The following APBA2 variants were observed in gnomAD, a reference collection of about 807,000 sequenced individuals.
The protein encoded by APBA2 is amyloid-beta A4 precursor protein-binding family A member 2.
Under a neutral mutation model 75.0 loss-of-function variants are expected in APBA2, and 30 were observed. That is an observed-to-expected ratio of 0.40 (90% CI 0.30 to 0.54). APBA2 has a LOEUF of 0.54. Ranked by LOEUF, APBA2 falls within the 20% of genes least tolerant of loss-of-function variation. APBA2 has a pLI of 0.49. For missense variants in APBA2, 801 were observed against 1,016.1 expected (o/e 0.79, Z 2.88); for synonymous variants, 444 against 409.6 (o/e 1.08, Z -1.01).
At chr15:28,989,120 A>G (rs1016839960) in intron 2 of APBA2, among the ~76,000 whole-genome samples, 2 of 152,286 alleles carry the variant, frequency 1.3e-5, no homozygotes, top group African/African-American at 2.4e-5. Context: ...ATGACTGGCC[A>G]TATCTTTTGC....
chr15:28,913,996 C>T (rs544733396), intron 1 of APBA2, among the ~76,000 whole-genome samples: 9 of 152,320 alleles, frequency 5.9e-5, no homozygotes, highest in African/African-American at 2.2e-4. Context: ...ATAATTATGC[C>T]AACTGCAGGC....
chr15:29,088,607 C>T (rs2043403465), intron 6 of APBA2, among the ~76,000 whole-genome samples: 1 of 152,212 alleles, frequency 6.6e-6, no homozygotes, highest in Non-Finnish European at 1.5e-5. Context: ...TCACCCTGTC[C>T]GTACCATCAT....
chr15:28,966,295 G>A (rs190493161), intron 2 of APBA2, among the ~76,000 whole-genome samples: 69 of 152,220 alleles, frequency 4.5e-4, no homozygotes, highest in African/African-American at 1.5e-3. Context: ...AGTGGGTACT[G>A]ACATCCCCAA....
chr15:29,065,567 C>CCT (rs2152910743), intron 4 of APBA2, among the ~76,000 whole-genome samples: 1 of 152,270 alleles, frequency 6.6e-6, no homozygotes, highest in Non-Finnish European at 1.5e-5. Flanking sequence ...ACAACTCAGA[C>CCT]ATGTGGAGAA....
intron 4 of APBA2, among the ~76,000 whole-genome samples, chr15:29,067,644 T>C (rs1052331570): frequency 2.6e-5 from 4 of 152,204 alleles, no homozygotes; most frequent in African/African-American, 9.7e-5. Flanking sequence ...TATCGTTAAA[T>C]CCACCATCAA....
chr15:28,894,624 G>C (rs576588396), intron 1 of APBA2, among the ~76,000 whole-genome samples: 51 of 152,348 alleles, frequency 3.3e-4, no homozygotes, highest in African/African-American at 1.2e-3. Context: ...GGAGATGGGG[G>C]TTGGAGGGCA....
At chr15:28,923,876 C>T (rs777858093) in intron 2 of APBA2, among the ~76,000 whole-genome samples, 1 of 152,060 alleles carries the variant, frequency 6.6e-6, no homozygotes, top group Non-Finnish European at 1.5e-5. Context: ...GCCTCCACCG[C>T]CCCCCCGGGG....
chr15:29,115,164 A>ACAG (rs1366974245), intron 14 of APBA2, among the ~76,000 whole-genome samples: 1 of 148,956 alleles, frequency 6.7e-6, no homozygotes, highest in Admixed American at 6.7e-5. Flanking sequence ...GGGTCTGGGG[A>ACAG]CAGCAGCAGC....
At chr15:28,976,152 A>C (rs2037325206) in intron 2 of APBA2, among the ~76,000 whole-genome samples, 2 of 152,222 alleles carry the variant, frequency 1.3e-5, no homozygotes, top group Admixed American at 1.3e-4. Context: ...CTACTGTCCC[A>C]GTGGCAGCCC....
At chr15:29,005,212 G>A (rs2039050699) in intron 3 of APBA2, among the ~76,000 whole-genome samples, 1 of 152,172 alleles carries the variant, frequency 6.6e-6, no homozygotes, top group South Asian at 2.1e-4. Context: ...CAGACTGCTT[G>A]ATCTCTCTAA....
chr15:29,091,820 A>G (rs964619873), intron 6 of APBA2, among the ~76,000 whole-genome samples: 14 of 152,144 alleles, frequency 9.2e-5, no homozygotes, highest in African/African-American at 2.9e-4. Flanking sequence ...GGAAGAGGTC[A>G]GGAGGTTGCT....
chr15:29,054,589 G>T lies in APBA2; in HGVS notation c.705G>T (p.Met235Ile). ...DIDQIVAEIK[M>I]SLSMTSITSA... ...ACCAGATCGTGGCAGAGATCAAGATGAGTCTGAGCATGACCAGCATCACCA... is the reference window on the plus strand; with the variant it reads ...ACCAGATCGTGGCAGAGATCAAGATTAGTCTGAGCATGACCAGCATCACCA... The change falls in exon 4 of 15, where the codon ATG (methionine) becomes ATT (isoleucine). Residue 235 changes from methionine (M) to isoleucine (I), a missense_variant. By Grantham distance (10) the Met-to-Ile change is conservative (BLOSUM62 1). Coordinates refer to ENST00000683413, the MANE Select transcript of APBA2 (RefSeq NM_001353788.2). The surrounding 1 kb of genome is among the most constrained non-coding windows in gnomAD (Gnocchi z 6.1). 6.2e-7 allele frequency: 1 copy of T among 1,614,134 alleles called. No homozygotes were observed. The highest frequency in any genetic ancestry group is 1.1e-5 in the South Asian group (1 of 91,056).
chr15:28,977,840 T>C (rs1161085575), intron 2 of APBA2, among the ~76,000 whole-genome samples: 1 of 152,064 alleles, frequency 6.6e-6, no homozygotes, highest in Admixed American at 6.5e-5. Context: ...TGACTGGCTG[T>C]TGTGTCTCTC....
intron 6 of APBA2, among the ~76,000 whole-genome samples, chr15:29,084,285 A>G (rs986120724): frequency 2.6e-5 from 4 of 152,220 alleles, no homozygotes; most frequent in East Asian, 1.9e-4. Flanking sequence ...TTGCTTAATC[A>G]GATTGGGTAG....
At chr15:29,105,645 T>G in intron 11 of APBA2, 87 bp downstream of exon 11, 1 of 1,442,638 alleles carries the variant, frequency 6.9e-7, no homozygotes, top group Non-Finnish European at 9.6e-7. Flanking sequence ...CCCGGGGTCC[T>G]CACGCACACC....
rs1034807119 is a variant in APBA2 at position 29,118,064 on chromosome 15, G to C, written c.*931G>C. On this transcript the variant is annotated 3_prime_UTR_variant, in exon 15 of 15. Transcript: ENST00000683413. The stretch of plus-strand genomic sequence containing the variant: ...TGGCGCAGTGGCCCTGAGCAGTAGT[G>C]GCATGTGTGTAGATCAAGTCGGATC... The C allele has an allele frequency of 6.6e-6, 1 of 152,608 alleles. No individual in the cohort carries two copies. Among genetic ancestry groups the C allele is most frequent in the African/African-American group, 2.4e-5 (1 of 41,458 alleles). The allele number at this position is 152,608 out of a possible 1,614,324, so 9.5% of individuals were successfully genotyped here. A position where few individuals can be genotyped will look rare whatever the true frequency, so the allele number is the denominator to read the frequency against.
At chr15:28,989,024 C>A (rs2038077597) in intron 2 of APBA2, among the ~76,000 whole-genome samples, 1 of 152,170 alleles carries the variant, frequency 6.6e-6, no homozygotes, top group Non-Finnish European at 1.5e-5. Context: ...TATTAATTTG[C>A]ATTTCCCTGC....
At chr15:28,892,639 A>ATG (rs772983227) in intron 1 of APBA2, among the ~76,000 whole-genome samples, 19,290 of 149,926 alleles carry the variant, frequency 0.13, 1,229 homozygotes, top group Middle Eastern at 0.21. Context: ...CTGTGTGTAT[A>ATG]TGTGTGTGTG....
chr15:29,023,187 T>G (rs1381423503), intron 3 of APBA2, among the ~76,000 whole-genome samples: 1 of 152,190 alleles, frequency 6.6e-6, no homozygotes, highest in Non-Finnish European at 1.5e-5. Context: ...TTGAGATGTC[T>G]CTTTGTGTTT....
Sources: gnomAD v4.1 joint callset for allele counts (sites outside exome capture counted in the v4.1 genomes callset) on GRCh38, gnomAD v4.1.1 for gene constraint, Gnocchi (gnomAD v3.1) non-coding constraint, MANE v1.5 for transcripts, NCBI Gene and HGNC (gene_info 2026-07-23, HGNC 2026-07-21) for gene names.